The following MTMR14 variants were observed in gnomAD, a reference collection of about 807,000 sequenced individuals.
The protein encoded by MTMR14 is phosphatidylinositol-3,5-bisphosphate 3-phosphatase MTMR14.
MTMR14 carries 48 observed loss-of-function variants against 86.3 expected under a neutral mutation model. The observed-to-expected ratio is 0.56, with a 90% CI of 0.44 to 0.71. MTMR14 has a LOEUF of 0.71. Among genes scored for constraint, MTMR14 ranks in the 30% least tolerant of loss-of-function variants. The probability of loss-of-function intolerance (pLI) is 0.00; values close to 1 mark genes in which losing one functional copy is unlikely to be tolerated. For synonymous variants in MTMR14, 366 were observed against 326.1 expected, an observed-to-expected ratio of 1.12 and a Z score of -1.32; for missense variants, 780 against 834.6, an observed-to-expected ratio of 0.93 and a Z score of 0.81.
chr3:9,683,138 TC>T, intron 9 of MTMR14, 39 bp from the exon 10 acceptor site: 6 of 1,577,928 alleles, frequency 3.8e-6, no homozygotes, highest in Non-Finnish European at 5.2e-6. Context: ...AAATTCTAAA[TC>T]TGAGTTAATG....
intron 2 of MTMR14, among the ~76,000 whole-genome samples, chr3:9,656,789 C>T (rs557264918): frequency 2.0e-5 from 3 of 152,016 alleles, no homozygotes; most frequent in Non-Finnish European, 4.4e-5. Flanking sequence ...GTTTTGTTTT[C>T]TTTGTTTTTG....
In MTMR14 at chr3:9,689,211, C is replaced by T. The variant is rs1262197926; in HGVS notation, c.1433+129C>T. ...GAAGAGCTGAGAGGATAGCTCCGTG[C>T]TCCTGCTGTCTCTACTGGGCCTCAG... On this transcript the variant is annotated intron_variant, in intron 16 of 18. Transcript: ENST00000296003. 5.1e-6 allele frequency: 7 copies of T among 1,367,232 alleles called. No homozygotes were observed. The African/African-American group carries it at 7.2e-5, about 14-fold the overall frequency. 84.7% of individuals were successfully genotyped at this position (1,367,232 alleles called of 1,614,324 possible). A position where few individuals can be genotyped will look rare whatever the true frequency, so the allele number is the denominator to read the frequency against.
At chr3:9,655,689 CT>C (rs774833830) in intron 2 of MTMR14, among the ~76,000 whole-genome samples, 3 of 151,262 alleles carry the variant, frequency 2.0e-5, no homozygotes, top group African/African-American at 7.3e-5. Context: ...TCTCGAACCC[CT>C]GACCTCATGA....
chr3:9,694,501 A>T lies in MTMR14; in HGVS notation c.1614-3210A>T, dbSNP rs549436447. Among the ~76,000 whole-genome samples the T allele has an allele frequency of 3.2e-4, 48 of 150,870 alleles. No individual in the cohort carries two copies. In the South Asian group the frequency reaches 9.3e-3, roughly 29 times the overall value. On this transcript the variant is annotated intron_variant, in intron 17 of 18. Coordinates refer to ENST00000296003, the MANE Select transcript of MTMR14 (RefSeq NM_001077525.3). ...TACAAAAGATAGATTAGATAGATAG[A>T]TTGGATGGATGGATGGATGGATGGA...
chr3:9,688,590 T>C, intron 14 of MTMR14, 106 bp from the exon 15 acceptor site: 1 of 1,312,340 alleles, frequency 7.6e-7, no homozygotes, highest in South Asian at 1.2e-5. Context: ...TCTCCACAAG[T>C]TGCCAGTGAA....
Position 9,697,742 on chromosome 3 carries a change from C to T in MTMR14, c.1645C>T (p.Leu549Phe). Residue 549 changes from leucine (L) to phenylalanine (F), a missense_variant, in exon 18 of 19, where the codon CTC (leucine) becomes TTC (phenylalanine). Coordinates refer to ENST00000296003, the MANE Select transcript of MTMR14 (RefSeq NM_001077525.3). ...SVDHPLPGSS[L>F]STDYGSWQMV... ...GGACCATCCCCTGCCCGGATCCTCT[C>T]TCTCCACAGACTATGGCAGCTGGCA... is the stretch of plus-strand genomic sequence containing the variant. 1 of 1,614,160 alleles carries T rather than the reference C, an allele frequency of 6.2e-7. No homozygotes were observed. Among genetic ancestry groups the T allele is most frequent in the South Asian group, 1.1e-5 (1 of 91,088 alleles).
chr3:9,684,471 G>A (rs948738277), intron 10 of MTMR14, 114 bp from the exon 11 acceptor site: 3 of 968,384 alleles, frequency 3.1e-6, no homozygotes, highest in East Asian at 2.4e-5. Context: ...CACTGGGGAA[G>A]ACAGAAGCTG....
At chr3:9,654,323 G>A (rs1239400097) in intron 2 of MTMR14, among the ~76,000 whole-genome samples, 1 of 152,144 alleles carries the variant, frequency 6.6e-6, no homozygotes, top group Non-Finnish European at 1.5e-5. Flanking sequence ...TTAGAAAGTG[G>A]TAGTGCAGTC....
At chr3:9,680,645 A>G (rs2075732016) in intron 9 of MTMR14, among the ~76,000 whole-genome samples, 1 of 152,164 alleles carries the variant, frequency 6.6e-6, no homozygotes, top group Non-Finnish European at 1.5e-5. Flanking sequence ...GGAGATCGAG[A>G]CCATCGTGGC....
intron 9 of MTMR14, 23 bp from the exon 10 acceptor site, chr3:9,683,155 T>G: frequency 6.2e-7 from 1 of 1,609,882 alleles, no homozygotes; most frequent in South Asian, 1.1e-5. Context: ...TAATGTCCAT[T>G]TCTTCTCACT....
intron 9 of MTMR14, among the ~76,000 whole-genome samples, chr3:9,682,161 C>A (rs1381802926): frequency 2.6e-5 from 4 of 152,212 alleles, no homozygotes; most frequent in African/African-American, 7.2e-5. Context: ...AGTTGAGAGA[C>A]CCCTTGTGCA....
chr3:9,682,039 C>T (rs185020084), intron 9 of MTMR14, among the ~76,000 whole-genome samples: 6 of 152,342 alleles, frequency 3.9e-5, no homozygotes, highest in African/African-American at 1.2e-4. Flanking sequence ...GCCCACCTGA[C>T]GCTCACTGGG....
At chr3:9,673,247 C>A (rs1194652561) in intron 7 of MTMR14, among the ~76,000 whole-genome samples, 2 of 152,226 alleles carry the variant, frequency 1.3e-5, no homozygotes, top group Non-Finnish European at 2.9e-5. Flanking sequence ...CAAGGCTATT[C>A]TGGTGGTAGA....
At chr3:9,665,142 C>T (rs895064565) in intron 3 of MTMR14, among the ~76,000 whole-genome samples, 1 of 151,964 alleles carries the variant, frequency 6.6e-6, no homozygotes, top group Admixed American at 6.6e-5. Flanking sequence ...ATTAGCCAGG[C>T]AAGGTGGCAG....
At chr3:9,652,354 G>A (rs1169832012) in intron 1 of MTMR14, among the ~76,000 whole-genome samples, 1 of 152,170 alleles carries the variant, frequency 6.6e-6, no homozygotes, top group Non-Finnish European at 1.5e-5. Flanking sequence ...GTAATTTTAG[G>A]GGGAGCTGTT....
Position 9,701,764 on chromosome 3 carries a change from T to C in MTMR14, c.1770-26T>C, listed in dbSNP as rs1559627707. ...GGGTCCTGTCCCAGGGTAATGTCTT[T>C]GTTCTTTCTCTTGACCTCCCCATAG... On this transcript the variant is annotated intron_variant, in intron 18 of 18. Transcript: ENST00000296003. This position sits in a 1 kb window ranked among gnomAD's most constrained non-coding sequence, Gnocchi z 4.2. 1 of 1,612,784 alleles carries C rather than the reference T, an allele frequency of 6.2e-7. No homozygotes were observed. The highest frequency in any genetic ancestry group is 1.6e-4 in the Middle Eastern group (1 of 6,062).
chr3:9,682,933 G>C (rs28676405), intron 9 of MTMR14, among the ~76,000 whole-genome samples: 9,676 of 141,792 alleles, frequency 0.068, 1,079 homozygotes, highest in African/African-American at 0.23. Context: ...TTGGGTCAGA[G>C]CCCCCCCCCC....
chr3:9,698,682 A>G (rs765669200), intron 18 of MTMR14, among the ~76,000 whole-genome samples: 65 of 152,074 alleles, frequency 4.3e-4, no homozygotes, highest in Non-Finnish European at 8.5e-4. Context: ...TGGGAAGGGA[A>G]AGGGGGCCCT....
chr3:9,682,534 G>A (rs1211717455), intron 9 of MTMR14, among the ~76,000 whole-genome samples: 2 of 152,190 alleles, frequency 1.3e-5, no homozygotes, highest in African/African-American at 4.8e-5. Context: ...TTGCACTTGG[G>A]CTAGAACAGA....
Sources: allele counts gnomAD v4.1 joint callset (sites outside exome capture counted in the v4.1 genomes callset), GRCh38; gene constraint gnomAD v4.1.1; non-coding constraint Gnocchi (gnomAD v3.1); transcripts MANE v1.5; gene names NCBI Gene and HGNC (gene_info 2026-07-23, HGNC 2026-07-21).